The following EIF2B3 variants were observed in gnomAD, a reference collection of about 807,000 sequenced individuals.
EIF2B3 encodes the protein translation initiation factor eIF2B subunit gamma.
Under a neutral mutation model 54.1 loss-of-function variants are expected in EIF2B3, and 20 were observed. The observed-to-expected ratio is 0.37, with a 90% CI of 0.26 to 0.54. The LOEUF is 0.54. EIF2B3 is among the 20% of genes least tolerant of loss of function. EIF2B3 has a pLI of 0.86. For synonymous variants in EIF2B3, 153 were observed against 188.1 expected (o/e 0.81, Z 1.52); for missense variants, 448 against 547.8 (o/e 0.82, Z 1.82).
rs78390742 is a variant in EIF2B3 at position 44,980,899 on chromosome 1, G to C, written c.148+122C>G. On this transcript the variant is annotated intron_variant, in intron 2 of 11. Coordinates refer to ENST00000360403, the MANE Select transcript of EIF2B3 (RefSeq NM_020365.5). ...ATAGAGTACTCCTACATTCCTTAAA[G>C]AAGGCAGTCTTCAGCCAACGAGTTC... The C allele has an allele frequency of 6.8e-3, 8,102 of 1,198,298 alleles. 47 individuals are homozygous for C. Among genetic ancestry groups the C allele is most frequent in the East Asian group, 0.013 (559 of 42,424 alleles). The allele number at this position is 1,198,298 out of a possible 1,614,324, so 74.2% of individuals were successfully genotyped here.
At chr1:44,869,760 CTGGCTAATT>C (rs1158321139) in intron 10 of EIF2B3, among the ~76,000 whole-genome samples, 1 of 151,818 alleles carries the variant, frequency 6.6e-6, no homozygotes, top group African/African-American at 2.4e-5. Flanking sequence ...GCCACCACGC[CTGGCTAATT>C]TGGCCAATTC....
intron 2 of EIF2B3, among the ~76,000 whole-genome samples, chr1:44,978,945 A>G (rs1018294284): frequency 4.6e-5 from 7 of 151,642 alleles, no homozygotes; most frequent in Admixed American, 3.3e-4. Context: ...CCTCCCCCCA[A>G]TTAATTCTTA....
chr1:44,904,981 A>G (rs1042508067), intron 5 of EIF2B3, among the ~76,000 whole-genome samples: 5 of 152,216 alleles, frequency 3.3e-5, no homozygotes, highest in African/African-American at 1.2e-4. Flanking sequence ...GGAATGACCT[A>G]TGGCTACTAC....
intron 3 of EIF2B3, among the ~76,000 whole-genome samples, chr1:44,941,963 A>T (rs1180934733): frequency 6.6e-6 from 1 of 152,142 alleles, no homozygotes; most frequent in Non-Finnish European, 1.5e-5. Flanking sequence ...GTCTATTTCT[A>T]TGACTATGGA....
At chr1:44,952,474 T>C (rs1034398953) in intron 3 of EIF2B3, among the ~76,000 whole-genome samples, 6 of 152,100 alleles carry the variant, frequency 3.9e-5, no homozygotes, top group Non-Finnish European at 5.9e-5. Context: ...AGCAAACATC[T>C]TTCTGACACA....
Position 44,857,781 on chromosome 1 carries a change from C to G in EIF2B3, c.1229G>C (p.Cys410Ser), listed in dbSNP as rs201617348. ...EGSNIQGSVI[C>S]NNAVIEKGAD... ...ACCCTTCTCGATCACAGCATTGTTG[C>G]AGATGACACTGCCTTGGATATTGCT... Residue 410 changes from cysteine to serine, a missense_variant, in exon 11 of 12, where the codon TGC (cysteine) becomes TCC (serine). Around this residue, in one of 3 missense-constraint regions of EIF2B3, gnomAD observed 350 missense variants for 414.2 expected, o/e 0.85. Coordinates refer to ENST00000360403, the MANE Select transcript of EIF2B3 (RefSeq NM_020365.5). 17 of 1,614,016 alleles carry G rather than the reference C, an allele frequency of 1.1e-5. No homozygotes were observed. Among genetic ancestry groups the G allele is most frequent in the Non-Finnish European group, 1.4e-5 (16 of 1,179,998 alleles).
chr1:44,855,998 G>T (rs527442540), intron 11 of EIF2B3, among the ~76,000 whole-genome samples: 1 of 152,202 alleles, frequency 6.6e-6, no homozygotes, highest in African/African-American at 2.4e-5. Flanking sequence ...ATGGGAAGAG[G>T]CAGAGAAGGT....
At chr1:44,924,189 C>T (rs182273799) in intron 5 of EIF2B3, among the ~76,000 whole-genome samples, 1 of 152,260 alleles carries the variant, frequency 6.6e-6, no homozygotes, top group Admixed American at 6.5e-5. Flanking sequence ...ATCCCCCCGC[C>T]TAGGCCTCCC....
chr1:44,880,156 T>A, intron 7 of EIF2B3, 148 bp from the exon 8 acceptor site: 3 of 817,554 alleles, frequency 3.7e-6, no homozygotes, highest in Non-Finnish European at 6.0e-6. Context: ...ACTCAAGGGA[T>A]CCTCCCACCT....
At chr1:44,857,355 C>T (rs374650477) in intron 11 of EIF2B3, among the ~76,000 whole-genome samples, 6 of 152,196 alleles carry the variant, frequency 3.9e-5, no homozygotes, top group Admixed American at 2.0e-4. Flanking sequence ...CATGGAGAAA[C>T]GCCATCTCTA....
At chr1:44,959,890 G>C (rs1644266605) in intron 3 of EIF2B3, among the ~76,000 whole-genome samples, 1 of 152,124 alleles carries the variant, frequency 6.6e-6, no homozygotes, top group African/African-American at 2.4e-5. Flanking sequence ...AAGTACCTGT[G>C]TTATATGCTA....
chr1:44,875,751 C>G, intron 8 of EIF2B3, 56 bp from the exon 9 acceptor site: 1 of 1,318,212 alleles, frequency 7.6e-7, no homozygotes, highest in African/African-American at 1.4e-5. Context: ...GTAGCTCTCC[C>G]TCTCCCTCTC....
intron 5 of EIF2B3, among the ~76,000 whole-genome samples, chr1:44,907,471 T>C (rs895789881): frequency 6.6e-6 from 1 of 152,118 alleles, no homozygotes. Context: ...GGCAGGAGAA[T>C]TGCTTGAACC....
intron 6 of EIF2B3, among the ~76,000 whole-genome samples, chr1:44,887,833 G>A (rs1256420433): frequency 6.6e-6 from 1 of 152,126 alleles, no homozygotes; most frequent in Non-Finnish European, 1.5e-5. Flanking sequence ...GGGAGGCAGA[G>A]GTTGCAGTGA....
chr1:44,854,792 T>G (rs1557656940), intron 11 of EIF2B3, among the ~76,000 whole-genome samples: 2 of 151,818 alleles, frequency 1.3e-5, no homozygotes, highest in African/African-American at 4.8e-5. Context: ...TTTCTCCATG[T>G]TGGTCAGGCT....
At chr1:44,856,724 G>T (rs1295330106) in intron 11 of EIF2B3, among the ~76,000 whole-genome samples, 2 of 152,082 alleles carry the variant, frequency 1.3e-5, no homozygotes, top group Admixed American at 1.3e-4. Flanking sequence ...TACAGAGTTG[G>T]TGGGGTTAAT....
intron 4 of EIF2B3, among the ~76,000 whole-genome samples, 163 bp from the exon 5 acceptor site, chr1:44,926,902 A>T (rs1569749333): frequency 6.6e-6 from 1 of 152,372 alleles, no homozygotes; most frequent in East Asian, 1.9e-4. Flanking sequence ...TGGGAGGCCA[A>T]GGTGGGTGGA....
rs57859990 is a variant in EIF2B3, at chr1:44,852,733, C to G, written c.1307-1730G>C. ...GGTGGAGGTTGCAGTGAGCCGAGAT[C>G]GCAGCATTACACTCCAGCCTGGGCA... is the stretch of plus-strand genomic sequence containing the variant. On this transcript the variant is annotated intron_variant, in intron 11 of 11. Coordinates refer to ENST00000360403, the MANE Select transcript of EIF2B3 (RefSeq NM_020365.5). Among the ~76,000 whole-genome samples, 681 of 149,252 alleles carry G rather than the reference C, an allele frequency of 4.6e-3. 4 individuals are homozygous for G. Among genetic ancestry groups the G allele is most frequent in the African/African-American group, 0.015 (598 of 40,298 alleles).
intron 5 of EIF2B3, among the ~76,000 whole-genome samples, chr1:44,913,925 C>T (rs929207615): frequency 2.0e-5 from 3 of 150,136 alleles, no homozygotes; most frequent in Admixed American, 1.3e-4. Context: ...CTCCCGGGTT[C>T]AAGTGATTCT....
Sources: gnomAD v4.1 joint callset for allele counts (sites outside exome capture counted in the v4.1 genomes callset) on GRCh38, gnomAD v4.1.1 for gene constraint, gnomAD v4.1.1 regional missense constraint, MANE v1.5 for transcripts, NCBI Gene and HGNC (gene_info 2026-07-23, HGNC 2026-07-21) for gene names.